STRBP: variants seen among roughly 807,000 people sequenced by gnomAD.
STRBP encodes the protein spermatid perinuclear RNA binding protein, also known as spermatid perinuclear RNA-binding protein.
A neutral mutation model predicts 80.1 loss-of-function variants in STRBP; 13 were observed. That is an observed-to-expected ratio of 0.16 (90% CI 0.11 to 0.26). The LOEUF (loss-of-function observed/expected upper bound fraction) is 0.26, where lower values mean the gene tolerates loss of function less well. Among genes scored for constraint, STRBP ranks in the 10% least tolerant of loss-of-function variants. STRBP has a pLI of 1.00. For missense variants in STRBP, 485 were observed against 815.2 expected, an observed-to-expected ratio of 0.59 and a Z score of 4.93; for synonymous variants, 284 against 291.2, an observed-to-expected ratio of 0.98 and a Z score of 0.25.
Position 123,110,296 on chromosome 9 carries a change from G to A in STRBP, c.*85-543C>T, listed in dbSNP as rs949451909. On this transcript the variant is annotated intron_variant and NMD_transcript_variant, in intron 3 of 3. Transcript: ENST00000471564. This position sits in a 1 kb window ranked among gnomAD's most constrained non-coding sequence, Gnocchi z 4.1. Reference sequence around the variant, plus strand: ...ACAGGCATGGGGCTGCAGGGCTAACGGTATGATGAACCTGGCCCTAGGCCA... The same window carrying A: ...ACAGGCATGGGGCTGCAGGGCTAACAGTATGATGAACCTGGCCCTAGGCCA... 1.9e-5 allele frequency: 3 copies of A among 155,366 alleles called. No homozygotes were observed. Among genetic ancestry groups the A allele is most frequent in the South Asian group, 2.1e-4 (1 of 4,818 alleles). The allele number at this position is 155,366 out of a possible 1,614,324, so 9.6% of individuals were successfully genotyped here. A position where few individuals can be genotyped will look rare whatever the true frequency, so the allele number is the denominator to read the frequency against.
At chr9:123,204,923 C>CAAAAAAAAAAAA (rs34576355) in intron 2 of STRBP, among the ~76,000 whole-genome samples, 1 of 54,550 alleles carries the variant, frequency 1.8e-5, no homozygotes, top group Non-Finnish European at 4.0e-5. Context: ...GACTCCATCT[C>CAAAAAAAAAAAA]AAAAAAAAAA....
chr9:123,208,227 A>G (rs937190565), intron 2 of STRBP, among the ~76,000 whole-genome samples: 3 of 152,216 alleles, frequency 2.0e-5, no homozygotes, highest in African/African-American at 7.2e-5. Flanking sequence ...CACTGTCACT[A>G]TAACGAAGGT....
chr9:123,195,220 A>G (rs2039052003), intron 2 of STRBP, among the ~76,000 whole-genome samples: 1 of 152,176 alleles, frequency 6.6e-6, no homozygotes, highest in Non-Finnish European at 1.5e-5. Context: ...TTAATTGTTC[A>G]TGCCAAAAAC....
intron 14 of STRBP, among the ~76,000 whole-genome samples, chr9:123,137,478 C>T (rs576435046): frequency 1.3e-5 from 2 of 152,224 alleles, no homozygotes; most frequent in African/African-American, 2.4e-5. Context: ...GGTGCAATCT[C>T]GGCTCACTGC....
At chr9:123,260,015 TAAAGATGA>T (rs1175319490) in intron 1 of STRBP, among the ~76,000 whole-genome samples, 1 of 152,078 alleles carries the variant, frequency 6.6e-6, no homozygotes, top group Non-Finnish European at 1.5e-5. Context: ...ACATGAGAAC[TAAAGATGA>T]ACAGAAGAAA....
At position 123,144,528 on chromosome 9, in the gene STRBP, A is replaced by AT. The variant is rs576776469; in HGVS notation, c.1338+2326dup. 7.2e-5 allele frequency among the ~76,000 whole-genome samples: 11 copies of AT among 152,238 alleles called. No individual in the cohort carries two copies. In the East Asian group the frequency reaches 1.9e-3, roughly 27 times the overall value. On this transcript the variant is annotated intron_variant, in intron 13 of 18. Transcript: ENST00000348403. The stretch of plus-strand genomic sequence containing the variant: ...GTGAATTTGCATCAAACTTAGGGAA[A>AT]TTTTTTTCATTTTTAATGCTTTCTG...
intron 1 of STRBP, among the ~76,000 whole-genome samples, chr9:123,244,816 G>C (rs1015335712): frequency 1.3e-5 from 2 of 152,164 alleles, no homozygotes; most frequent in African/African-American, 4.8e-5. Context: ...TTATCCCAAA[G>C]AAATGGAAAA....
intron 6 of STRBP, among the ~76,000 whole-genome samples, chr9:123,162,142 T>C (rs1211277294): frequency 1.3e-5 from 2 of 152,182 alleles, no homozygotes; most frequent in Non-Finnish European, 2.9e-5. Context: ...TATTTCTAAA[T>C]GGGAGACAAT....
intron 14 of STRBP, among the ~76,000 whole-genome samples, chr9:123,137,930 G>T (rs2036430478): frequency 1.3e-5 from 2 of 152,146 alleles, no homozygotes; most frequent in African/African-American, 4.8e-5. Context: ...TCTAGTCACT[G>T]TCTTTAAAAG....
chr9:123,168,204 TC>T, intron 6 of STRBP: 2 of 982,648 alleles, frequency 2.0e-6, no homozygotes, highest in Non-Finnish European at 2.4e-6. Flanking sequence ...TTAACATTTA[TC>T]TTGACACTTC....
At chr9:123,111,468 T>G in intron 3 of STRBP, 1 of 329,856 alleles carries the variant, frequency 3.0e-6, no homozygotes, top group Non-Finnish European at 6.3e-6. Flanking sequence ...TAGGTTAGAG[T>G]CAAGCAACTT....
intron 1 of STRBP, among the ~76,000 whole-genome samples, chr9:123,241,101 C>T (rs1244779907): frequency 6.6e-6 from 1 of 151,582 alleles, no homozygotes; most frequent in African/African-American, 2.4e-5. Context: ...ATCACTTGAA[C>T]CCAGGTGGCG....
intron 2 of STRBP, among the ~76,000 whole-genome samples, chr9:123,205,995 C>T (rs1044366178): frequency 6.6e-6 from 1 of 152,120 alleles, no homozygotes; most frequent in Non-Finnish European, 1.5e-5. Context: ...TAAGACAGGC[C>T]ATCCAATGTA....
In STRBP at chr9:123,126,101, G is replaced by C. The variant is rs1430774117; in HGVS notation, c.1943-428C>G. 2.0e-5 allele frequency among the ~76,000 whole-genome samples: 3 copies of C among 152,212 alleles called. No homozygotes were observed. The highest frequency in any genetic ancestry group is 4.4e-5 in the Non-Finnish European group (3 of 68,030). ...TCAGCTCCAGCTGGAGCCATGGCCA[G>C]GCGTTTACTTAACTTCTTAATGGCT... On this transcript the variant is annotated intron_variant, in intron 18 of 18. Transcript: ENST00000348403. The surrounding 1 kb of genome is among the most constrained non-coding windows in gnomAD (Gnocchi z 4.4).
At chr9:123,243,298 T>TAAAA in intron 1 of STRBP, among the ~76,000 whole-genome samples, 1 of 150,144 alleles carries the variant, frequency 6.7e-6, no homozygotes. Flanking sequence ...AAATAGAGCT[T>TAAAA]TCATCTAAAC....
intron 6 of STRBP, among the ~76,000 whole-genome samples, chr9:123,168,005 C>CA (rs960056148): frequency 0.033 from 4,667 of 139,698 alleles, 217 homozygotes; most frequent in African/African-American, 0.11. Context: ...TTAATACTTT[C>CA]AAAAAAAAAA....
At chr9:123,127,800 C>G (rs925638809) in intron 18 of STRBP, among the ~76,000 whole-genome samples, 2 of 152,174 alleles carry the variant, frequency 1.3e-5, no homozygotes, top group Non-Finnish European at 2.9e-5. Flanking sequence ...GTGAGCAGTT[C>G]CTATTCTTGA....
intron 17 of STRBP, among the ~76,000 whole-genome samples, chr9:123,130,356 A>T (rs1430460580): frequency 1.3e-5 from 2 of 152,162 alleles, no homozygotes; most frequent in Non-Finnish European, 2.9e-5. Context: ...AAATAACTTC[A>T]TTTTTAAAAG....
chr9:123,113,482 C>T (rs1234666955), intron 3 of STRBP: 2 of 167,252 alleles, frequency 1.2e-5, no homozygotes, highest in African/African-American at 4.8e-5. Context: ...CTCAGCCCTT[C>T]TCTTTGAGAT....
Sources: gnomAD v4.1 joint callset for allele counts (sites outside exome capture counted in the v4.1 genomes callset) on GRCh38, gnomAD v4.1.1 for gene constraint, Gnocchi (gnomAD v3.1) non-coding constraint, MANE v1.5 for transcripts, NCBI Gene and HGNC (gene_info 2026-07-23, HGNC 2026-07-21) for gene names.